The following UTP4 variants were observed in gnomAD, a reference collection of about 807,000 sequenced individuals.
UTP4 encodes the protein UTP4 small subunit processome component.
UTP4 carries 45 observed loss-of-function variants against 82.4 expected under a neutral mutation model. The observed-to-expected ratio is 0.55, with a 90% CI of 0.43 to 0.70. The LOEUF (loss-of-function observed/expected upper bound fraction) is 0.70. Among genes scored for constraint, UTP4 ranks in the 30% least tolerant of loss-of-function variants. The pLI is 0.00. For missense variants in UTP4, 819 were observed against 858.3 expected (o/e 0.95, Z 0.57); for synonymous variants, 348 against 300.3 (o/e 1.16, Z -1.64).
rs747933459 is a variant in UTP4, at chr16:69,133,527, C to T, written c.68C>T (p.Ala23Val). 1.9e-6 allele frequency: 3 copies of T among 1,614,126 alleles called. No individual in the cohort carries two copies. The South Asian group carries it at 3.3e-5, about 18-fold the overall frequency. The change falls in exon 2 of 17, where the codon GCT (alanine) becomes GTT (valine). Residue 23 changes from alanine to valine, a missense_variant. Transcript: ENST00000314423. ...NYVPSGIRCV[A>V]YNNQSNRLAV... is the part of the protein sequence containing the mutation. ...GTTCCATCAGGAATCCGCTGTGTGGCTTACAATAACCAGTCAAACAGATTG... is the reference window on the plus strand; with the variant it reads ...GTTCCATCAGGAATCCGCTGTGTGGTTTACAATAACCAGTCAAACAGATTG...
intron 8 of UTP4, among the ~76,000 whole-genome samples, chr16:69,151,562 C>T (rs1305536743): frequency 4.7e-5 from 7 of 149,646 alleles, no homozygotes; most frequent in East Asian, 2.0e-4. Context: ...CTTCGTGATA[C>T]GCCCGCCTCG....
chr16:69,141,280 A>G (rs994473134), intron 5 of UTP4, among the ~76,000 whole-genome samples: 3 of 152,196 alleles, frequency 2.0e-5, no homozygotes, highest in Non-Finnish European at 2.9e-5. Context: ...TCTATCGGAT[A>G]GGATCTCCCA....
chr16:69,165,956 A>G, intron 15 of UTP4: 1 of 304,750 alleles, frequency 3.3e-6, no homozygotes, highest in Non-Finnish European at 6.3e-6. Flanking sequence ...TGAGGTTTTG[A>G]CCTCTGTGCC....
At chr16:69,165,632 A>T in intron 15 of UTP4, 106 bp downstream of exon 15, 1 of 945,972 alleles carries the variant, frequency 1.1e-6, no homozygotes. Flanking sequence ...AAAGGTAGCT[A>T]GTAAATCAGA....
chr16:69,137,012 G>T, intron 3 of UTP4, 125 bp downstream of exon 3: 1 of 830,322 alleles, frequency 1.2e-6, no homozygotes. Context: ...TATAAGATTG[G>T]AATTGATAGT....
At chr16:69,139,241 A>G (rs1962893637) in intron 4 of UTP4, 1 of 151,958 alleles carries the variant, frequency 6.6e-6, no homozygotes, top group Non-Finnish European at 1.5e-5. Context: ...TGGTGGGATT[A>G]CAGACATGAG....
chr16:69,160,530 A>G (rs926239067), intron 13 of UTP4, 68 bp downstream of exon 13: 2 of 1,125,850 alleles, frequency 1.8e-6, no homozygotes, highest in Non-Finnish European at 1.4e-6. Context: ...TGCAGTTACA[A>G]GATTCAAGGC....
intron 5 of UTP4, 138 bp downstream of exon 5, chr16:69,140,052 A>G (rs374729324): frequency 1.2e-5 from 9 of 729,530 alleles, no homozygotes; most frequent in South Asian, 7.3e-5. Flanking sequence ...GATGTCCACA[A>G]TTAATTTTAC....
intron 5 of UTP4, among the ~76,000 whole-genome samples, chr16:69,141,818 C>CT (rs1437495332): frequency 6.6e-6 from 1 of 150,810 alleles, no homozygotes; most frequent in Non-Finnish European, 1.5e-5. Context: ...AAACTCTTCT[C>CT]TTTCTTTTTT....
chr16:69,162,115 A>G (rs1218479243), intron 13 of UTP4, among the ~76,000 whole-genome samples: 2 of 151,266 alleles, frequency 1.3e-5, no homozygotes, highest in Admixed American at 1.3e-4. Context: ...TTACAGGTGC[A>G]CGCCACCACA....
rs187936276 is a variant in UTP4, at chr16:69,154,463, G to A, written c.1164+6G>A. 33 of 1,605,928 alleles carry A rather than the reference G, an allele frequency of 2.1e-5. No homozygotes were observed. The highest frequency in any genetic ancestry group is 2.8e-5 in the Non-Finnish European group (33 of 1,172,770). On this transcript the variant is annotated splice_donor_region_variant and intron_variant, in intron 10 of 16. Transcript: ENST00000314423. Reference sequence around the variant, plus strand: ...TACTGCACCTAAAGACAAAGGTAAGGAAGTTTGTTTAGGCTCTGAATTCTA... The same window carrying A: ...TACTGCACCTAAAGACAAAGGTAAGAAAGTTTGTTTAGGCTCTGAATTCTA...
intron 6 of UTP4, among the ~76,000 whole-genome samples, chr16:69,148,288 G>A (rs958208284): frequency 6.6e-6 from 1 of 151,448 alleles, no homozygotes; most frequent in African/African-American, 2.4e-5. Context: ...ATAGAGACGG[G>A]GTTTCATTAT....
chr16:69,166,762 A>C, intron 15 of UTP4: 3 of 346,826 alleles, frequency 8.6e-6, no homozygotes, highest in East Asian at 1.4e-4. Context: ...AAGCCGCAGA[A>C]GGGCCCTTTG....
chr16:69,140,017 G>T (rs1008848052), intron 5 of UTP4, 103 bp downstream of exon 5: 25 of 826,922 alleles, frequency 3.0e-5, no homozygotes, highest in Non-Finnish European at 4.9e-5. Context: ...GACCTTTATG[G>T]CCTAACATGT....
chr16:69,156,109 G>T, intron 11 of UTP4, 116 bp downstream of exon 11: 1 of 1,000,780 alleles, frequency 1.0e-6, no homozygotes, highest in Admixed American at 1.9e-5. Flanking sequence ...ACTATTTGGA[G>T]ATTTGGAGAA....
intron 5 of UTP4, among the ~76,000 whole-genome samples, chr16:69,141,614 C>T (rs781771379): frequency 3.3e-5 from 5 of 152,182 alleles, no homozygotes; most frequent in African/African-American, 4.8e-5. Context: ...CCAATACCCA[C>T]GTCCTTCAGT....
rs1567381608 is a variant in UTP4, at chr16:69,163,068, GTTA to G, written c.1552-12_1552-10del. 6.2e-7 allele frequency: 1 copy of G among 1,607,698 alleles called. No homozygotes were observed. Among genetic ancestry groups the G allele is most frequent in the East Asian group, 2.2e-5 (1 of 44,844 alleles). ...TCACTTAGAGTTGCCACTTGTGTCT[GTTA>G]TTTGTTCCCAGCTTCACTGCACGGT... is the stretch of plus-strand genomic sequence containing the variant. On this transcript the variant is annotated splice_polypyrimidine_tract_variant and intron_variant, in intron 13 of 16. Transcript: ENST00000314423.
intron 12 of UTP4, among the ~76,000 whole-genome samples, chr16:69,158,509 C>T (rs1963481754): frequency 6.6e-6 from 1 of 152,036 alleles, no homozygotes; most frequent in Non-Finnish European, 1.5e-5. Flanking sequence ...ATAAGCTGAT[C>T]CAGAAGCCTA....
chr16:69,168,100 A>G (rs1963744605), intron 16 of UTP4, among the ~76,000 whole-genome samples: 6 of 152,156 alleles, frequency 3.9e-5, no homozygotes, highest in Admixed American at 3.9e-4. Context: ...GAGAAATGTA[A>G]AAAAATCCTG....
Sources: gnomAD v4.1 joint callset for allele counts (sites outside exome capture counted in the v4.1 genomes callset) on GRCh38, gnomAD v4.1.1 for gene constraint, MANE v1.5 for transcripts, NCBI Gene and HGNC (gene_info 2026-07-23, HGNC 2026-07-21) for gene names.